IL15RA: variants seen among roughly 807,000 people sequenced by gnomAD.
IL15RA encodes interleukin-15 receptor subunit alpha.
In IL15RA, 26 loss-of-function variants were observed where a neutral mutation model predicts 24.2. That is an observed-to-expected ratio of 1.07 (90% CI 0.79 to 1.49). The LOEUF (loss-of-function observed/expected upper bound fraction) is 1.49, where lower values mean the gene tolerates loss of function less well. Among genes scored for constraint, IL15RA ranks in the 40% most tolerant of loss-of-function variants. The pLI is 0.00. For missense variants in IL15RA, 354 were observed against 356.4 expected (o/e 0.99, Z 0.05); for synonymous variants, 166 against 157.6 (o/e 1.05, Z -0.40).
rs1275746959 is a variant in IL15RA at position 5,953,168 on chromosome 10, A to G, written c.731T>C (p.Met244Thr). ...CCCCCAAGTCACCGGCAGAGCCTCC[A>G]TGGCTTCCATTTCAACGCTGGCCAG... ...PPLASVEMEAMEALPVTWGTS... is the reference protein window; with the variant it reads ...PPLASVEMEATEALPVTWGTS... Residue 244 changes from methionine to threonine, a missense_variant, in exon 7 of 7, where the codon ATG becomes ACG. Met to Thr is a moderately conservative substitution (Grantham distance 81). Coordinates refer to ENST00000379977, the MANE Select transcript of IL15RA (RefSeq NM_002189.4). The surrounding 1 kb of genome is among the most constrained non-coding windows in gnomAD (Gnocchi z 5.3). The G allele has an allele frequency of 6.2e-7, 1 of 1,614,050 alleles. No homozygotes were observed. The highest frequency in any genetic ancestry group is 8.5e-7 in the Non-Finnish European group (1 of 1,180,012).
chr10:5,967,682 T>C lies in IL15RA; in HGVS notation c.89-1343A>G, dbSNP rs1036940420. 9.2e-5 allele frequency among the ~76,000 whole-genome samples: 14 copies of C among 152,216 alleles called. No individual in the cohort carries two copies. The highest frequency in any genetic ancestry group is 2.9e-4 in the African/African-American group (12 of 41,450). On this transcript the variant is annotated intron_variant, in intron 1 of 6. Coordinates refer to ENST00000379977, the MANE Select transcript of IL15RA (RefSeq NM_002189.4). The surrounding 1 kb of genome is among the most constrained non-coding windows in gnomAD (Gnocchi z 4.4). ...GATGAACCAATGGACACAGCTCAGCTCTGTTGGAAGTGACAGGTGTTGTTT... is the reference window on the plus strand; with the variant it reads ...GATGAACCAATGGACACAGCTCAGCCCTGTTGGAAGTGACAGGTGTTGTTT...
chr10:5,956,262 G>A (rs887690082), intron 6 of IL15RA, 117 bp downstream of exon 6: 6 of 750,200 alleles, frequency 8.0e-6, no homozygotes, highest in East Asian at 2.7e-5. Context: ...TGATCTGCCC[G>A]CCTTGGCCTC....
rs1836292126 is a variant in IL15RA at position 5,965,122 on chromosome 10, G to A, written c.283+1023C>T. On this transcript the variant is annotated intron_variant, in intron 2 of 6. Transcript: ENST00000379977. The surrounding 1 kb of genome is among the most constrained non-coding windows in gnomAD (Gnocchi z 5.8). ...GCCCCAGAGATGAACTGGGGAAGGA[G>A]AGAAGCCTGCAGAGGTGGGCCTGAG... Among the ~76,000 whole-genome samples, 1 of 152,248 alleles carries A rather than the reference G, an allele frequency of 6.6e-6. No individual in the cohort carries two copies. Among genetic ancestry groups the A allele is most frequent in the South Asian group, 2.1e-4 (1 of 4,836 alleles).
At chr10:5,956,523 C>T in intron 5 of IL15RA, 69 bp from the exon 6 acceptor site, 2 of 1,182,318 alleles carry the variant, frequency 1.7e-6, no homozygotes, top group Middle Eastern at 1.9e-4. Flanking sequence ...AAATTCTTTA[C>T]CATGGATGTT....
rs1222200965 is a variant in IL15RA, at chr10:5,970,621, G to A, written c.89-4282C>T. 6.6e-6 allele frequency among the ~76,000 whole-genome samples: 1 copy of A among 151,526 alleles called. No homozygotes were observed. ...CTACAGCCAATCCAACCAGGCAAAT[G>A]GTGGCCAGTTACTTACTTTATAAAG... On this transcript the variant is annotated intron_variant, in intron 1 of 6. Transcript: ENST00000379977. This position sits in a 1 kb window ranked among gnomAD's most constrained non-coding sequence, Gnocchi z 4.1.
chr10:5,957,483 G>T (rs1589165737), intron 5 of IL15RA, among the ~76,000 whole-genome samples: 1 of 149,998 alleles, frequency 6.7e-6, no homozygotes, highest in African/African-American at 2.5e-5. Context: ...ACTATGTTAG[G>T]CAGGCTGGTC....
intron 5 of IL15RA, among the ~76,000 whole-genome samples, chr10:5,957,888 G>A (rs561147368): frequency 1.2e-4 from 19 of 152,242 alleles, no homozygotes; most frequent in Admixed American, 1.0e-3. Flanking sequence ...CACAGCGCCC[G>A]GCTGATTTTT....
chr10:5,969,243 A>T (rs922995174), intron 1 of IL15RA, among the ~76,000 whole-genome samples: 1 of 150,532 alleles, frequency 6.6e-6, no homozygotes, highest in African/African-American at 2.4e-5. Flanking sequence ...AATTAAATTA[A>T]TTTTTTAAAT....
chr10:5,949,272 A>G (rs200814208), downstream of IL15RA: 250 of 471,248 alleles, frequency 5.3e-4, 4 homozygotes, highest in South Asian at 3.8e-3. The surrounding 1 kb of genome is among the most constrained non-coding windows in gnomAD (Gnocchi z 4.4). Flanking sequence ...GGACGGTTTC[A>G]GGAGAGGAGG....
chr10:5,957,671 A>G (rs961743946), intron 5 of IL15RA, among the ~76,000 whole-genome samples: 1 of 146,496 alleles, frequency 6.8e-6, no homozygotes, highest in African/African-American at 2.6e-5. Context: ...TGCTCACTGC[A>G]ACCTCCCCCT....
Position 5,960,462 on chromosome 10 carries a change from G to A in IL15RA, c.488C>T (p.Thr163Ile), listed in dbSNP as rs766842934. Residue 163 changes from threonine (T) to isoleucine (I), a missense_variant, in exon 4 of 7, where the codon ACA (threonine) becomes ATA (isoleucine). Physicochemically the swap from Thr to Ile is moderately conservative, Grantham distance 89 (BLOSUM62 -1). Transcript: ENST00000379977. The surrounding 1 kb of genome is among the most constrained non-coding windows in gnomAD (Gnocchi z 5.1). ...MPSKSPSTGTTEISSHESSHG... is the reference protein window; with the variant it reads ...MPSKSPSTGTIEISSHESSHG... ...GGAGGACTCATGACTGCTTATCTCT[G>A]TGGTTCCTGTGGAAGGTGATTTTGA... 4.9e-5 allele frequency: 79 copies of A among 1,614,046 alleles called. No homozygotes were observed. Among genetic ancestry groups the A allele is most frequent in the Non-Finnish European group, 6.4e-5 (76 of 1,180,008 alleles).
intron 1 of IL15RA, chr10:5,976,983 G>C (rs1190937800): frequency 6.2e-6 from 1 of 162,270 alleles, no homozygotes; most frequent in South Asian, 2.0e-4. Context: ...AGTTTCTCCC[G>C]GACCCCTCCG....
At chr10:5,954,428 A>G (rs1476058800) in intron 6 of IL15RA, among the ~76,000 whole-genome samples, 1 of 151,932 alleles carries the variant, frequency 6.6e-6, no homozygotes, top group African/African-American at 2.4e-5. Context: ...CTAAAGATAT[A>G]TTTATTTTAC....
chr10:5,975,030 AAATT>A lies in IL15RA; in HGVS notation c.88+2371_88+2374del, dbSNP rs2132721257. ...GTGTGACATTGTTTCAAAAAAAAAA[AAATT>A]AAACATACACCTGCCATATAACACA... On this transcript the variant is annotated intron_variant, in intron 1 of 6. Transcript: ENST00000379977. This position sits in a 1 kb window ranked among gnomAD's most constrained non-coding sequence, Gnocchi z 4.8. 6.6e-6 allele frequency among the ~76,000 whole-genome samples: 1 copy of A among 151,930 alleles called. No homozygotes were observed. Among genetic ancestry groups the A allele is most frequent in the South Asian group, 2.1e-4 (1 of 4,812 alleles).
Position 5,968,852 on chromosome 10 carries a change from G to T in IL15RA, c.89-2513C>A. 1 of 972,000 alleles carries T rather than the reference G, an allele frequency of 1.0e-6. No homozygotes were observed. The highest frequency in any genetic ancestry group is 1.6e-6 in the Non-Finnish European group (1 of 631,796). 60.2% of individuals were successfully genotyped at this position (972,000 alleles called of 1,614,324 possible). A position where few individuals can be genotyped will look rare whatever the true frequency, so the allele number is the denominator to read the frequency against. On this transcript the variant is annotated intron_variant, in intron 1 of 6. Coordinates refer to ENST00000379977, the MANE Select transcript of IL15RA (RefSeq NM_002189.4). This position sits in a 1 kb window ranked among gnomAD's most constrained non-coding sequence, Gnocchi z 5.4. ...TTGTCCTGAGTCTCACGCAGGCCTC[G>T]TGTGTCTGGACCTCATGGTTGAAGC...
In IL15RA at chr10:5,970,204, T is replaced by G. The variant is rs1285069914; in HGVS notation, c.89-3865A>C. On this transcript the variant is annotated intron_variant, in intron 1 of 6. Coordinates refer to ENST00000379977, the MANE Select transcript of IL15RA (RefSeq NM_002189.4). The surrounding 1 kb of genome is among the most constrained non-coding windows in gnomAD (Gnocchi z 4.1). ...GTTGTTTTAGGGTGTCCACTATATA[T>G]CTTTACCTTATCACAGTTTTCCTTC... Among the ~76,000 whole-genome samples, 1 of 152,216 alleles carries G rather than the reference T, an allele frequency of 6.6e-6. No individual in the cohort carries two copies. Among genetic ancestry groups the G allele is most frequent in the Non-Finnish European group, 1.5e-5 (1 of 68,034 alleles).
At chr10:5,951,002 A>C (rs1300808539), downstream of IL15RA, among the ~76,000 whole-genome samples, 1 of 151,956 alleles carries the variant, frequency 6.6e-6, no homozygotes, top group African/African-American at 2.4e-5. Flanking sequence ...TTAGGCGGGC[A>C]TGGTGGTGGG....
Position 5,960,834 on chromosome 10 carries a change from C to T in IL15RA, c.383-267G>A, listed in dbSNP as rs982721482. On this transcript the variant is annotated intron_variant, in intron 3 of 6. Coordinates refer to ENST00000379977, the MANE Select transcript of IL15RA (RefSeq NM_002189.4). This position sits in a 1 kb window ranked among gnomAD's most constrained non-coding sequence, Gnocchi z 5.1. The stretch of plus-strand genomic sequence containing the variant: ...CAGTGGGTCATGCCTATAATCCCAA[C>T]ACTTTGGGAGGCTGAGGTGTGAGGA... 4.6e-5 allele frequency among the ~76,000 whole-genome samples: 7 copies of T among 152,204 alleles called. No individual in the cohort carries two copies. The highest frequency in any genetic ancestry group is 2.0e-4 in the Admixed American group (3 of 15,282).
chr10:5,956,498 A>G, intron 5 of IL15RA, 44 bp from the exon 6 acceptor site: 1 of 1,435,966 alleles, frequency 7.0e-7, no homozygotes. Flanking sequence ...AAGCACATTC[A>G]TTGCTACGAA....
Sources: allele counts gnomAD v4.1 joint callset (sites outside exome capture counted in the v4.1 genomes callset), GRCh38; gene constraint gnomAD v4.1.1; non-coding constraint Gnocchi (gnomAD v3.1); transcripts MANE v1.5; gene names NCBI Gene and HGNC (gene_info 2026-07-23, HGNC 2026-07-21).